The following PAK5 variants were observed in gnomAD, a reference collection of about 807,000 sequenced individuals.
PAK5 encodes serine/threonine-protein kinase PAK 5.
A neutral mutation model predicts 65.9 loss-of-function variants in PAK5; 16 were observed. The ratio of observed to expected loss-of-function variants is 0.24; its 90% CI spans 0.16 to 0.37. PAK5 has a LOEUF of 0.37. Among genes scored for constraint, PAK5 ranks in the 10% least tolerant of loss-of-function variants. The pLI is 1.00. For missense variants in PAK5, 785 were observed against 903.9 expected (o/e 0.87, Z 1.69); for synonymous variants, 371 against 354.9 (o/e 1.05, Z -0.51).
chr20:9,760,588 A>C (rs2048687131), intron 1 of PAK5, among the ~76,000 whole-genome samples: 1 of 151,892 alleles, frequency 6.6e-6, no homozygotes, highest in Admixed American at 6.6e-5. Flanking sequence ...AAAAAAAAAA[A>C]AAAATGTATA....
chr20:9,600,769 A>G (rs922243469), intron 3 of PAK5, among the ~76,000 whole-genome samples: 1 of 152,162 alleles, frequency 6.6e-6, no homozygotes, highest in African/African-American at 2.4e-5. Flanking sequence ...CCACTGGAAT[A>G]ATACTTCTGT....
chr20:9,678,220 T>C (rs1393017478), intron 2 of PAK5, among the ~76,000 whole-genome samples: 1 of 152,198 alleles, frequency 6.6e-6, no homozygotes, highest in East Asian at 1.9e-4. Context: ...GAGAATGTAT[T>C]AGAGAGAACA....
At chr20:9,801,679 T>G (rs1290381774) in intron 1 of PAK5, among the ~76,000 whole-genome samples, 2 of 152,036 alleles carry the variant, frequency 1.3e-5, no homozygotes, top group Admixed American at 6.6e-5. Flanking sequence ...CCATCATGAT[T>G]TCAAATTCAT....
intron 2 of PAK5, among the ~76,000 whole-genome samples, chr20:9,652,742 A>G (rs6039534): frequency 0.95 from 145,137 of 152,276 alleles, 69,189 homozygotes; most frequent in East Asian, 1. Flanking sequence ...AACAGCTGTA[A>G]CCCCTTTTCT....
At chr20:9,690,815 C>G (rs954181002) in intron 2 of PAK5, among the ~76,000 whole-genome samples, 1 of 138,652 alleles carries the variant, frequency 7.2e-6, no homozygotes, top group Non-Finnish European at 1.5e-5. Context: ...AGTGCAATGG[C>G]GCAATTAGGC....
chr20:9,544,558 A>G, intron 7 of PAK5, 64 bp from the exon 8 acceptor site: 2 of 1,460,708 alleles, frequency 1.4e-6, no homozygotes, highest in Non-Finnish European at 1.9e-6. Flanking sequence ...ACACGAAAAT[A>G]CAAACATACA....
At chr20:9,787,647 GTGTGTGTGTA>G (rs1387271343) in intron 1 of PAK5, among the ~76,000 whole-genome samples, 3 of 151,428 alleles carry the variant, frequency 2.0e-5, no homozygotes, top group East Asian at 1.9e-4. Flanking sequence ...GTGTGTGTGT[GTGTGTGTGTA>G]TGTGTATACA....
chr20:9,616,096 G>C (rs1456460463), intron 3 of PAK5, among the ~76,000 whole-genome samples: 2 of 152,204 alleles, frequency 1.3e-5, no homozygotes, highest in Non-Finnish European at 2.9e-5. Flanking sequence ...CTGATGGGAA[G>C]CATGTCAAAG....
At position 9,814,584 on chromosome 20, in the gene PAK5, T is replaced by C. The variant is rs1003050119; in HGVS notation, c.-162+24178A>G. On this transcript the variant is annotated intron_variant, in intron 1 of 9. Coordinates refer to ENST00000353224, the MANE Select transcript of PAK5 (RefSeq NM_177990.4). Reference sequence around the variant, plus strand: ...TTTAGTTTACCTTGTAAAAGTGTTCTTTTAGATTTACTGAGTCAGAGCTTT... The same window carrying C: ...TTTAGTTTACCTTGTAAAAGTGTTCCTTTAGATTTACTGAGTCAGAGCTTT... Among the ~76,000 whole-genome samples, 29 of 152,320 alleles carry C rather than the reference T, an allele frequency of 1.9e-4. 2 individuals carry two copies. The highest frequency in any genetic ancestry group is 6.7e-4 in the African/African-American group (28 of 41,568).
chr20:9,658,612 G>A (rs2047301986), intron 2 of PAK5, among the ~76,000 whole-genome samples: 1 of 151,848 alleles, frequency 6.6e-6, no homozygotes, highest in Non-Finnish European at 1.5e-5. Flanking sequence ...GTGAGACATA[G>A]AGAATTAGGA....
At chr20:9,811,623 T>C (rs1037194259) in intron 1 of PAK5, among the ~76,000 whole-genome samples, 4 of 152,214 alleles carry the variant, frequency 2.6e-5, no homozygotes, top group Admixed American at 2.0e-4. Context: ...CTAGCTGGTC[T>C]ATACATCTAG....
intron 1 of PAK5, among the ~76,000 whole-genome samples, chr20:9,765,884 G>A (rs969851184): frequency 3.3e-5 from 5 of 152,110 alleles, no homozygotes; most frequent in African/African-American, 1.2e-4. Flanking sequence ...AATGCTCACT[G>A]CAGCACTACT....
At chr20:9,731,427 C>T (rs1448213939) in intron 1 of PAK5, among the ~76,000 whole-genome samples, 1 of 152,022 alleles carries the variant, frequency 6.6e-6, no homozygotes, top group African/African-American at 2.4e-5. Context: ...GTGTTTTATG[C>T]TTTCAGCACA....
At chr20:9,837,095 A>C (rs141293845) in intron 1 of PAK5, among the ~76,000 whole-genome samples, 3 of 152,324 alleles carry the variant, frequency 2.0e-5, no homozygotes, top group African/African-American at 7.2e-5. Context: ...TATTAATAAA[A>C]TAACAAGCTG....
In PAK5 at chr20:9,587,357, T is replaced by C. The variant is rs1238728684; in HGVS notation, c.205-6427A>G. On this transcript the variant is annotated intron_variant, in intron 3 of 9. Coordinates refer to ENST00000353224, the MANE Select transcript of PAK5 (RefSeq NM_177990.4). The stretch of plus-strand genomic sequence containing the variant: ...CAGATGTATCTCAAATTAATTACAA[T>C]TGTTACATAAATATTCCTTCTGAGA... 6.6e-5 allele frequency among the ~76,000 whole-genome samples: 10 copies of C among 152,204 alleles called. 1 individual carries two copies. The highest frequency in any genetic ancestry group is 6.6e-4 in the Admixed American group (10 of 15,258).
At chr20:9,597,202 G>A (rs980100678) in intron 3 of PAK5, among the ~76,000 whole-genome samples, 3 of 152,168 alleles carry the variant, frequency 2.0e-5, no homozygotes, top group Non-Finnish European at 4.4e-5. Flanking sequence ...TATCTGTACT[G>A]AGAGGGTTTC....
At chr20:9,763,272 A>ATG (rs1370749935) in intron 1 of PAK5, among the ~76,000 whole-genome samples, 2 of 152,124 alleles carry the variant, frequency 1.3e-5, no homozygotes, top group Admixed American at 1.3e-4. Context: ...ACATACACAC[A>ATG]TGCACACACA....
chr20:9,833,896 GT>G (rs1045622142), intron 1 of PAK5, among the ~76,000 whole-genome samples: 11 of 152,120 alleles, frequency 7.2e-5, no homozygotes, highest in African/African-American at 2.2e-4. Context: ...TATGTTTCCT[GT>G]TTTTCCCACT....
rs369765840 is a variant in PAK5 at position 9,701,100 on chromosome 20, G to A, written c.-12+10186C>T. 5.3e-5 allele frequency among the ~76,000 whole-genome samples: 8 copies of A among 152,138 alleles called. No homozygotes were observed. The South Asian group carries it at 1.5e-3, about 28-fold the overall frequency. On this transcript the variant is annotated intron_variant, in intron 2 of 9. Coordinates refer to ENST00000353224, the MANE Select transcript of PAK5 (RefSeq NM_177990.4). ...CCCCCTGCCTACTTTGCCTTACACC[G>A]TGTGGTCTCCACAGGCATGAGAACC... is the stretch of plus-strand genomic sequence containing the variant.
Sources: gnomAD v4.1 joint callset for allele counts (sites outside exome capture counted in the v4.1 genomes callset) on GRCh38, gnomAD v4.1.1 for gene constraint, MANE v1.5 for transcripts, NCBI Gene and HGNC (gene_info 2026-07-23, HGNC 2026-07-21) for gene names.